MARCHF3: variants seen among roughly 807,000 people sequenced by gnomAD.
The protein encoded by MARCHF3 is membrane associated ring-CH-type finger 3.
A neutral mutation model predicts 24.2 loss-of-function variants in MARCHF3; 13 were observed. The observed-to-expected ratio is 0.54, with a 90% CI of 0.35 to 0.85. The LOEUF (loss-of-function observed/expected upper bound fraction) is 0.85. Among genes scored for constraint, MARCHF3 ranks in the 40% least tolerant of loss-of-function variants. The probability of loss-of-function intolerance (pLI) is 0.01; values close to 1 mark genes in which losing one functional copy is unlikely to be tolerated. For synonymous variants in MARCHF3, 144 were observed against 137.3 expected, an observed-to-expected ratio of 1.05 and a Z score of -0.34; for missense variants, 276 against 325.0, an observed-to-expected ratio of 0.85 and a Z score of 1.16.
chr5:126,924,113 C>T (rs1353797753), intron 1 of MARCHF3, among the ~76,000 whole-genome samples: 1 of 152,146 alleles, frequency 6.6e-6, no homozygotes, highest in South Asian at 2.1e-4. Context: ...GAGGACCTAG[C>T]ACTTTTCCAC....
chr5:126,871,662 C>T (rs1752970084), intron 4 of MARCHF3, among the ~76,000 whole-genome samples: 1 of 152,104 alleles, frequency 6.6e-6, no homozygotes, highest in South Asian at 2.1e-4. Context: ...AGTGAATAAG[C>T]ATCCTATATT....
intron 1 of MARCHF3, among the ~76,000 whole-genome samples, chr5:127,003,517 C>T (rs1188328268): frequency 8.6e-5 from 13 of 151,534 alleles, no homozygotes; most frequent in Non-Finnish European, 1.3e-4. Flanking sequence ...TTTGGGAGGC[C>T]GAAGCGGGCG....
At chr5:126,966,326 A>G (rs183675670) in intron 1 of MARCHF3, among the ~76,000 whole-genome samples, 6 of 152,260 alleles carry the variant, frequency 3.9e-5, no homozygotes, top group Admixed American at 3.3e-4. Flanking sequence ...AATTTTTATT[A>G]TATGTAAATT....
At chr5:127,008,060 G>T (rs1752363422) in intron 1 of MARCHF3, among the ~76,000 whole-genome samples, 1 of 152,068 alleles carries the variant, frequency 6.6e-6, no homozygotes, top group East Asian at 1.9e-4. Context: ...AACAGAGGAG[G>T]TGCAAATGTC....
intron 1 of MARCHF3, among the ~76,000 whole-genome samples, chr5:126,982,537 C>A (rs1404882154): frequency 6.6e-6 from 1 of 152,144 alleles, no homozygotes; most frequent in Admixed American, 6.5e-5. Context: ...GAGAGTCTGA[C>A]TTAATTATTT....
intron 1 of MARCHF3, among the ~76,000 whole-genome samples, chr5:126,919,565 C>G (rs902249398): frequency 6.6e-6 from 1 of 152,214 alleles, no homozygotes; most frequent in East Asian, 1.9e-4. Flanking sequence ...TTACATTTTC[C>G]TTGATCCCCA....
chr5:126,951,018 T>C (rs1179284669), intron 1 of MARCHF3, among the ~76,000 whole-genome samples: 1 of 152,194 alleles, frequency 6.6e-6, no homozygotes, highest in Non-Finnish European at 1.5e-5. Flanking sequence ...TTTCCCTTCT[T>C]TCTTACTCCC....
chr5:126,963,097 A>T (rs951166734), intron 1 of MARCHF3, among the ~76,000 whole-genome samples: 1 of 152,152 alleles, frequency 6.6e-6, no homozygotes, highest in African/African-American at 2.4e-5. Context: ...CAGATAATGT[A>T]TGTAATGTTT....
At chr5:126,933,414 C>G (rs1036993675) in intron 1 of MARCHF3, among the ~76,000 whole-genome samples, 2 of 151,618 alleles carry the variant, frequency 1.3e-5, no homozygotes, top group African/African-American at 4.8e-5. Context: ...CAGAATTTTC[C>G]GCTGTATGCC....
At chr5:126,952,003 C>T (rs1197081294) in intron 1 of MARCHF3, among the ~76,000 whole-genome samples, 4 of 152,092 alleles carry the variant, frequency 2.6e-5, no homozygotes, top group African/African-American at 4.8e-5. Flanking sequence ...CCCACCACCA[C>T]GCCCAGCTAA....
chr5:127,013,428 T>C (rs1193345591), intron 1 of MARCHF3, among the ~76,000 whole-genome samples: 1 of 152,174 alleles, frequency 6.6e-6, no homozygotes, highest in African/African-American at 2.4e-5. Context: ...ACATAGACCA[T>C]GTACCCATTT....
At chr5:126,939,788 T>A (rs992487481) in intron 1 of MARCHF3, among the ~76,000 whole-genome samples, 1 of 152,208 alleles carries the variant, frequency 6.6e-6, no homozygotes, top group African/African-American at 2.4e-5. Context: ...GGCCACATTT[T>A]CATCTACCAA....
intron 3 of MARCHF3, among the ~76,000 whole-genome samples, chr5:126,895,919 G>C (rs191083044): frequency 0.02 from 3,109 of 152,236 alleles, 81 homozygotes; most frequent in South Asian, 0.12. Context: ...GCCTTGCTGT[G>C]GCCTTGCAGT....
intron 3 of MARCHF3, among the ~76,000 whole-genome samples, chr5:126,885,817 T>C (rs983523236): frequency 1.3e-5 from 2 of 152,102 alleles, no homozygotes; most frequent in African/African-American, 4.8e-5. Context: ...AAGATAAATA[T>C]CTACACATTG....
chr5:126,947,361 G>A (rs1384082834), intron 1 of MARCHF3, among the ~76,000 whole-genome samples: 1 of 152,164 alleles, frequency 6.6e-6, no homozygotes, highest in African/African-American at 2.4e-5. Context: ...TTAAACCCTT[G>A]ATTCCACTGA....
At chr5:126,990,309 T>C (rs1327169697) in intron 1 of MARCHF3, among the ~76,000 whole-genome samples, 1 of 152,070 alleles carries the variant, frequency 6.6e-6, no homozygotes, top group African/African-American at 2.4e-5. Flanking sequence ...GGATTCCCTA[T>C]GTAATAAATC....
At chr5:127,023,779 A>AATAAAAAT (rs1341814187) in intron 1 of MARCHF3, among the ~76,000 whole-genome samples, 4 of 147,546 alleles carry the variant, frequency 2.7e-5, no homozygotes, top group African/African-American at 9.9e-5. Context: ...TAAATAAATA[A>AATAAAAAT]AAATAAAAAA....
At chr5:126,936,285 A>G (rs945486361) in intron 1 of MARCHF3, among the ~76,000 whole-genome samples, 1 of 152,212 alleles carries the variant, frequency 6.6e-6, no homozygotes, top group East Asian at 1.9e-4. Context: ...AGAAATGCAA[A>G]CAAGGACTTA....
chr5:126,996,690 T>C (rs1751958450), intron 1 of MARCHF3, among the ~76,000 whole-genome samples: 3 of 152,040 alleles, frequency 2.0e-5, no homozygotes, highest in Admixed American at 2.0e-4. Context: ...AGGAGAACCA[T>C]CAGTGTAATA....
Sources: gnomAD v4.1 joint callset for allele counts (sites outside exome capture counted in the v4.1 genomes callset) on GRCh38, gnomAD v4.1.1 for gene constraint, MANE v1.5 for transcripts, NCBI Gene and HGNC (gene_info 2026-07-23, HGNC 2026-07-21) for gene names.